Variants in TULP4 observed in about 807,000 individuals in gnomAD.
The protein encoded by TULP4 is tubby-related protein 4.
TULP4 carries 16 observed loss-of-function variants against 129.0 expected under a neutral mutation model. That is an observed-to-expected ratio of 0.12 (90% CI 0.08 to 0.19). TULP4 has a LOEUF of 0.19. Ranked by LOEUF, TULP4 falls within the 10% of genes least tolerant of loss-of-function variation. The pLI is 1.00. For synonymous variants in TULP4, 998 were observed against 854.0 expected, an observed-to-expected ratio of 1.17 and a Z score of -2.94; for missense variants, 1,842 against 2,059.1, an observed-to-expected ratio of 0.89 and a Z score of 2.04.
rs533367490 is a variant in TULP4 at position 158,501,964 on chromosome 6, T to C, written c.2301T>C (p.Ile767=). ...IFGSVEMGRI[I]QNPPPLSLPP... is the part of the protein sequence containing the mutation. ...GAAGCGTGGAAATGGGCCGCATCAT[T>C]CAGAACCCCCCTCCACTGTCCCTGC... The change falls in exon 13 of 14, where the codon ATT becomes ATC. Residue 767 remains isoleucine, a synonymous_variant. Coordinates refer to ENST00000367097, the MANE Select transcript of TULP4 (RefSeq NM_020245.5). 56 of 1,613,714 alleles carry C rather than the reference T, an allele frequency of 3.5e-5. 1 individual carries two copies. The East Asian group carries it at 1.2e-3, about 35-fold the overall frequency.
intron 2 of TULP4, among the ~76,000 whole-genome samples, chr6:158,421,534 T>G (rs1351342155): frequency 6.6e-6 from 1 of 152,226 alleles, no homozygotes; most frequent in African/African-American, 2.4e-5. Context: ...AATAAAATTT[T>G]GTGCAGCCCA....
chr6:158,452,067 AG>A, intron 4 of TULP4, 66 bp from the exon 5 acceptor site: 1 of 1,586,506 alleles, frequency 6.3e-7, no homozygotes, highest in Admixed American at 1.7e-5. Context: ...GCAAGATTTC[AG>A]CTTTGGGAAC....
At position 158,358,952 on chromosome 6, in the gene TULP4, A is replaced by G. The variant is rs369188834; in HGVS notation, c.252+44684A>G. Among the ~76,000 whole-genome samples, 13 of 152,278 alleles carry G rather than the reference A, an allele frequency of 8.5e-5. No homozygotes were observed. The East Asian group carries it at 2.1e-3, about 25-fold the overall frequency. Reference sequence around the variant, plus strand: ...TGAGATTAGAGACAGGCTGGGCCACACCGGGCAGCATGTGCCAATCTAAGC... The same window carrying G: ...TGAGATTAGAGACAGGCTGGGCCACGCCGGGCAGCATGTGCCAATCTAAGC... On this transcript the variant is annotated intron_variant, in intron 1 of 13. Transcript: ENST00000367097.
At chr6:158,455,633 A>T (rs915584544) in intron 5 of TULP4, among the ~76,000 whole-genome samples, 2 of 151,818 alleles carry the variant, frequency 1.3e-5, no homozygotes, top group African/African-American at 4.8e-5. Flanking sequence ...GCTACTTGGG[A>T]GGCTGAGGCA....
chr6:158,455,503 G>A (rs1473242453), intron 5 of TULP4, among the ~76,000 whole-genome samples: 4 of 152,076 alleles, frequency 2.6e-5, no homozygotes, highest in African/African-American at 9.7e-5. Context: ...TTGGGAGGCT[G>A]AGGCAGGTGA....
intron 1 of TULP4, chr6:158,238,377 C>T: frequency 1.5e-6 from 1 of 685,246 alleles, no homozygotes; most frequent in Admixed American, 2.2e-5. Flanking sequence ...ATTGTTCGGC[C>T]TGGTTTGTGT....
chr6:158,407,142 A>C (rs1338423016), intron 1 of TULP4, among the ~76,000 whole-genome samples: 27 of 152,370 alleles, frequency 1.8e-4, no homozygotes, highest in Non-Finnish European at 1.0e-4. Flanking sequence ...AGTTTTCTTC[A>C]CATGTAGTTA....
Position 158,498,765 on chromosome 6 carries a change from C to A in TULP4, c.1967C>A (p.Pro656His), listed in dbSNP as rs1780383763. The change falls in exon 12 of 14, where the codon CCT becomes CAT. Residue 656 changes from proline to histidine, a missense_variant. By Grantham distance (77) the Pro-to-His change is moderately conservative. Coordinates refer to ENST00000367097, the MANE Select transcript of TULP4 (RefSeq NM_020245.5). ...RKISMDYINLPVFNPNVFSED... is the reference protein window; with the variant it reads ...RKISMDYINLHVFNPNVFSED... Reference sequence around the variant, plus strand: ...ATTTCCATGGACTATATTAATTTACCTGTCTTCAACCCAAATGTTTTCAGT... The same window carrying A: ...ATTTCCATGGACTATATTAATTTACATGTCTTCAACCCAAATGTTTTCAGT... 6.2e-7 allele frequency: 1 copy of A among 1,614,182 alleles called. No homozygotes were observed. The highest frequency in any genetic ancestry group is 8.5e-7 in the Non-Finnish European group (1 of 1,180,038).
intron 7 of TULP4, 74 bp from the exon 8 acceptor site, chr6:158,480,981 C>G (rs148070267): frequency 7.2e-7 from 1 of 1,383,386 alleles, no homozygotes; most frequent in Non-Finnish European, 9.8e-7. Flanking sequence ...GACCTGCCCC[C>G]GTGCCCACTC....
At position 158,503,573 on chromosome 6, in the gene TULP4, G is replaced by A. The variant is rs747407705; in HGVS notation, c.3910G>A (p.Gly1304Ser). Residue 1304 changes from glycine to serine, a missense_variant, in exon 13 of 14, where the codon GGC becomes AGC. Physicochemically the swap from Gly to Ser is moderately conservative, Grantham distance 56. Coordinates refer to ENST00000367097, the MANE Select transcript of TULP4 (RefSeq NM_020245.5). This position sits in a 1 kb window ranked among gnomAD's most constrained non-coding sequence, Gnocchi z 4.3. ...ACCTGCCGACCTCCAAAGCCACTTG[G>A]GCACAGAGGTGATGGTAGAGACTGC... ...PPPADLQSHL[G>S]TEVMVETADN... 10 of 1,613,960 alleles carry A rather than the reference G, an allele frequency of 6.2e-6. No individual in the cohort carries two copies. Among genetic ancestry groups the A allele is most frequent in the Non-Finnish European group, 8.5e-6 (10 of 1,180,006 alleles).
chr6:158,254,947 C>T (rs1778217878), intron 1 of TULP4, among the ~76,000 whole-genome samples: 1 of 152,214 alleles, frequency 6.6e-6, no homozygotes. Flanking sequence ...TGTCAGGTGC[C>T]TGTAGTCCCA....
At chr6:158,483,597 A>G (rs1018505709) in intron 8 of TULP4, among the ~76,000 whole-genome samples, 1 of 152,120 alleles carries the variant, frequency 6.6e-6, no homozygotes, top group Non-Finnish European at 1.5e-5. Context: ...AGTGCTAGGA[A>G]CCACCATGCC....
chr6:158,372,387 G>C (rs982625809), intron 1 of TULP4, among the ~76,000 whole-genome samples: 5 of 151,408 alleles, frequency 3.3e-5, no homozygotes, highest in African/African-American at 1.2e-4. Context: ...TTTTTTTTAA[G>C]TAAAGCATTT....
chr6:158,303,003 G>GC (rs1779156456), intron 1 of TULP4, among the ~76,000 whole-genome samples: 1 of 149,614 alleles, frequency 6.7e-6, no homozygotes, highest in Non-Finnish European at 1.5e-5. Flanking sequence ...CAGGAGGAAG[G>GC]CCATAAATTA....
At chr6:158,281,340 A>G (rs769284705), upstream of TULP4, among the ~76,000 whole-genome samples, 1 of 151,856 alleles carries the variant, frequency 6.6e-6, no homozygotes, top group Non-Finnish European at 1.5e-5. Flanking sequence ...CGGCCTCCCG[A>G]GTAGCTGGGA....
chr6:158,307,664 G>A (rs2128479659), upstream of TULP4, among the ~76,000 whole-genome samples: 1 of 152,160 alleles, frequency 6.6e-6, no homozygotes, highest in Admixed American at 6.5e-5. Flanking sequence ...GTATTTTTTA[G>A]TAGAGATGGG....
intron 1 of TULP4, among the ~76,000 whole-genome samples, chr6:158,380,349 C>T (rs1777292843): frequency 1.3e-5 from 2 of 152,162 alleles, no homozygotes; most frequent in South Asian, 4.1e-4. Context: ...GTTTCTCAGC[C>T]CTTAAATGGC....
At chr6:158,506,333 A>C (rs984033406) in intron 13 of TULP4, among the ~76,000 whole-genome samples, 2 of 138,468 alleles carry the variant, frequency 1.4e-5, no homozygotes, top group Non-Finnish European at 3.0e-5. Context: ...CCAGGTTTAC[A>C]CCATTCTCCT....
intron 3 of TULP4, among the ~76,000 whole-genome samples, chr6:158,446,833 G>T (rs1341191683): frequency 1.3e-5 from 2 of 152,180 alleles, no homozygotes. Flanking sequence ...TGTAGCGAGA[G>T]TGCTTGCAAG....
Sources: gnomAD v4.1 joint callset for allele counts (sites outside exome capture counted in the v4.1 genomes callset) on GRCh38, gnomAD v4.1.1 for gene constraint, Gnocchi (gnomAD v3.1) non-coding constraint, MANE v1.5 for transcripts, NCBI Gene and HGNC (gene_info 2026-07-23, HGNC 2026-07-21) for gene names.